Variants in ST3GAL6 observed in about 807,000 individuals in gnomAD.
The protein encoded by ST3GAL6 is ST3 beta-galactoside alpha-2,3-sialyltransferase 6.
In ST3GAL6, 31 loss-of-function variants were observed where a neutral mutation model predicts 40.5. The observed-to-expected ratio is 0.77, with a 90% CI of 0.58 to 1.03. The LOEUF (loss-of-function observed/expected upper bound fraction) is 1.03, where lower values mean the gene tolerates loss of function less well. ST3GAL6 is among the 50% of genes least tolerant of loss of function. The pLI, the probability that ST3GAL6 is intolerant of heterozygous loss-of-function variation, is 0.00. For missense variants in ST3GAL6, 357 were observed against 393.2 expected, an observed-to-expected ratio of 0.91 and a Z score of 0.78; for synonymous variants, 129 against 136.9, an observed-to-expected ratio of 0.94 and a Z score of 0.40.
chr3:98,769,031 C>T (rs1358567001), intron 2 of ST3GAL6, among the ~76,000 whole-genome samples: 1 of 152,180 alleles, frequency 6.6e-6, no homozygotes, highest in Non-Finnish European at 1.5e-5. Context: ...GAGAAAGCCT[C>T]TGTAATAGGG....
At chr3:98,784,715 T>C (rs1202608227) in intron 5 of ST3GAL6, among the ~76,000 whole-genome samples, 2 of 152,226 alleles carry the variant, frequency 1.3e-5, no homozygotes, top group Middle Eastern at 3.2e-3. Flanking sequence ...TGAGAGAACA[T>C]GTATGGGCTG....
At chr3:98,756,302 G>C (rs760227237) in intron 1 of ST3GAL6, 11 of 1,247,124 alleles carry the variant, frequency 8.8e-6, no homozygotes, top group Non-Finnish European at 1.1e-5. Flanking sequence ...TTTTAAAAAT[G>C]ACTTTACATT....
intron 6 of ST3GAL6, among the ~76,000 whole-genome samples, chr3:98,787,440 C>G (rs550431755): frequency 6.6e-6 from 1 of 152,154 alleles, no homozygotes; most frequent in Admixed American, 6.5e-5. Flanking sequence ...GCATGTCCAA[C>G]CTTGGCTTTC....
Position 98,792,087 on chromosome 3 carries a change from TG to T in ST3GAL6, c.909+95del, listed in dbSNP as rs1296232538. 41 of 1,259,954 alleles carry T rather than the reference TG, an allele frequency of 3.3e-5. No individual in the cohort carries two copies. In the Middle Eastern group the frequency reaches 1.1e-3, roughly 33 times the overall value. 78.0% of individuals were successfully genotyped at this position (1,259,954 alleles called of 1,614,324 possible). On this transcript the variant is annotated intron_variant, in intron 9 of 9. Coordinates refer to ENST00000483910, the MANE Select transcript of ST3GAL6 (RefSeq NM_001323368.2). ...TTTTCTCTTCTCACACTCATTTTAC[TG>T]AGGGACCACGTTTTGAAGGGTTGAG...
At chr3:98,783,969 T>C (rs1940435343) in intron 5 of ST3GAL6, among the ~76,000 whole-genome samples, 1 of 152,266 alleles carries the variant, frequency 6.6e-6, no homozygotes, top group South Asian at 2.1e-4. Flanking sequence ...TTAAACAGTT[T>C]CCGAATTCTC....
At chr3:98,747,858 T>G (rs1412695541) in intron 1 of ST3GAL6, among the ~76,000 whole-genome samples, 1 of 152,190 alleles carries the variant, frequency 6.6e-6, no homozygotes, top group Non-Finnish European at 1.5e-5. Context: ...AAAAGGGGAC[T>G]GACTATGTAT....
chr3:98,781,411 G>A (rs1042212630), intron 5 of ST3GAL6, among the ~76,000 whole-genome samples: 2 of 151,652 alleles, frequency 1.3e-5, no homozygotes, highest in African/African-American at 4.9e-5. Context: ...AAACCACCAC[G>A]GCACTTGTAT....
chr3:98,776,090 A>G (rs1025789365), intron 5 of ST3GAL6, among the ~76,000 whole-genome samples: 1 of 152,226 alleles, frequency 6.6e-6, no homozygotes, highest in African/African-American at 2.4e-5. Context: ...AAAAATAGAT[A>G]AGAATATATT....
chr3:98,786,662 T>C (rs1347165184), intron 6 of ST3GAL6, among the ~76,000 whole-genome samples: 1 of 151,772 alleles, frequency 6.6e-6, no homozygotes, highest in African/African-American at 2.4e-5. Context: ...AGATGGCAGT[T>C]AGAGATGGTT....
rs1393243392 is a variant in ST3GAL6 at position 98,795,366 on chromosome 3, AG to A, written c.*1609del. ...ATGCGGTACTTATAAAGCAGAATAA[AG>A]GGGAGAACAGTAGTAGTTGATCTAA... is the stretch of plus-strand genomic sequence containing the variant. On this transcript the variant is annotated 3_prime_UTR_variant, in exon 10 of 10. Transcript: ENST00000483910. 6.6e-6 allele frequency: 1 copy of A among 152,220 alleles called. No homozygotes were observed. Among genetic ancestry groups the A allele is most frequent in the Non-Finnish European group, 1.5e-5 (1 of 68,040 alleles). 9.4% of individuals were successfully genotyped at this position (152,220 alleles called of 1,614,324 possible). A position where few individuals can be genotyped will look rare whatever the true frequency, so the allele number is the denominator to read the frequency against.
At chr3:98,760,709 AC>A (rs1937662559), upstream of ST3GAL6, among the ~76,000 whole-genome samples, 2 of 152,254 alleles carry the variant, frequency 1.3e-5, no homozygotes, top group South Asian at 4.1e-4. Context: ...AAACGTGTTT[AC>A]CATATGGCCC....
At chr3:98,793,415 C>T (rs763188649) in intron 9 of ST3GAL6, among the ~76,000 whole-genome samples, 34 of 152,132 alleles carry the variant, frequency 2.2e-4, no homozygotes, top group Non-Finnish European at 4.3e-4. Context: ...TACCATGATT[C>T]GGTCTACCAG....
intron 6 of ST3GAL6, among the ~76,000 whole-genome samples, chr3:98,787,205 A>C (rs1482621555): frequency 2.6e-5 from 4 of 152,122 alleles, no homozygotes; most frequent in Non-Finnish European, 5.9e-5. Context: ...CTCTACCCAT[A>C]ATTGTCTAAA....
At position 98,756,620 on chromosome 3, in the gene ST3GAL6, T is replaced by C. The variant is rs57759678; in HGVS notation, c.-11-11810T>C. ...ACTTGTAATGTTCTTATACAATGCT[T>C]CTCTTGTGGGTGATGTTAAAATCCC... On this transcript the variant is annotated intron_variant, in intron 1 of 9. Coordinates refer to the ST3GAL6 transcript ENST00000265261. The C allele has an allele frequency of 2.0e-4, 213 of 1,082,614 alleles. No individual in the cohort carries two copies. The African/African-American group carries it at 3.4e-3, about 17-fold the overall frequency. The allele number at this position is 1,082,614 out of a possible 1,614,324, so 67.1% of individuals were successfully genotyped here.
At chr3:98,763,080 T>C (rs1346956865), upstream of ST3GAL6, 1 of 985,240 alleles carries the variant, frequency 1.0e-6, no homozygotes, top group African/African-American at 1.7e-5. Context: ...CATTCATCAC[T>C]GTGGAGTCCT....
At chr3:98,746,720 T>C (rs1473545792) in intron 1 of ST3GAL6, among the ~76,000 whole-genome samples, 1 of 152,172 alleles carries the variant, frequency 6.6e-6, no homozygotes, top group Non-Finnish European at 1.5e-5. Flanking sequence ...TGCAATATTA[T>C]TTATTTTATT....
rs923964259 is a variant in ST3GAL6 at position 98,732,800 on chromosome 3, C to T, written c.-12+268C>T. On this transcript the variant is annotated intron_variant, in intron 1 of 9. Coordinates refer to the ST3GAL6 transcript ENST00000265261. The stretch of plus-strand genomic sequence containing the variant: ...AGATCCGCGGGGAAGGAATCGTGCC[C>T]GCGCCGCCCCTGGCCCGCGCCACCT... The T allele has an allele frequency of 1.3e-5, 18 of 1,433,040 alleles. No individual in the cohort carries two copies. The African/African-American group carries it at 2.4e-4, about 19-fold the overall frequency. 88.8% of individuals were successfully genotyped at this position (1,433,040 alleles called of 1,614,324 possible).
upstream of ST3GAL6, among the ~76,000 whole-genome samples, chr3:98,760,720 C>A (rs914379044): frequency 2.6e-5 from 4 of 152,096 alleles, no homozygotes; most frequent in African/African-American, 7.2e-5. Flanking sequence ...CCATATGGCC[C>A]ATGAAAACGT....
intron 5 of ST3GAL6, 145 bp downstream of exon 5, chr3:98,774,128 C>T (rs1939288033): frequency 3.3e-6 from 2 of 611,716 alleles, no homozygotes; most frequent in Non-Finnish European, 5.8e-6. Flanking sequence ...AGTAATTTGA[C>T]ACTTAAATAC....
Sources: allele counts gnomAD v4.1 joint callset (sites outside exome capture counted in the v4.1 genomes callset), GRCh38; gene constraint gnomAD v4.1.1; transcripts MANE v1.5; gene names NCBI Gene and HGNC (gene_info 2026-07-23, HGNC 2026-07-21).